The following CFAP46 variants were observed in gnomAD, a reference collection of about 807,000 sequenced individuals.
The protein encoded by CFAP46 is cilia and flagella associated protein 46.
CFAP46 carries 245 observed loss-of-function variants against 325.7 expected under a neutral mutation model. That is an observed-to-expected ratio of 0.75 (90% CI 0.68 to 0.84). The LOEUF (loss-of-function observed/expected upper bound fraction) is 0.84. Ranked by LOEUF, CFAP46 falls within the 40% of genes least tolerant of loss-of-function variation. The probability of loss-of-function intolerance (pLI) is 0.00; values close to 1 mark genes in which losing one functional copy is unlikely to be tolerated. For synonymous variants in CFAP46, 1,523 were observed against 1,495.9 expected, an observed-to-expected ratio of 1.02 and a Z score of -0.42; for missense variants, 3,346 against 3,543.0, an observed-to-expected ratio of 0.94 and a Z score of 1.41.
rs763564892 is a variant in CFAP46, at chr10:132,899,583, C to T, written c.3008G>A (p.Arg1003Gln). The change falls in exon 23 of 58, where the codon CGG (arginine) becomes CAG (glutamine). Residue 1003 changes from arginine (R) to glutamine (Q), a missense_variant. Physicochemically the swap from Arg to Gln is conservative, Grantham distance 43. Transcript: ENST00000368586. ...GGCTGCCACCAGTCGCAGCTGCTTC[C>T]GGCCCTTCAGGTTTTCCATGATGCT... ...GRSIMENLKGRKQLRLVAAKA... is the reference protein window; with the variant it reads ...GRSIMENLKGQKQLRLVAAKA... The T allele has an allele frequency of 1.2e-5, 18 of 1,549,720 alleles. No individual in the cohort carries two copies. The highest frequency in any genetic ancestry group is 5.9e-5 in the Admixed American group (3 of 50,980).
chr10:132,920,321 TC>T, intron 13 of CFAP46, 139 bp from the exon 14 acceptor site: 2 of 1,111,164 alleles, frequency 1.8e-6, no homozygotes, highest in Non-Finnish European at 2.5e-6. Flanking sequence ...GATCCCCGGC[TC>T]CCAGAAGCCG....
rs796246364 is a variant in CFAP46, at chr10:132,896,717, T to C, written c.3219+2242A>G. 3.3e-5 allele frequency among the ~76,000 whole-genome samples: 5 copies of C among 152,276 alleles called. 1 individual carries two copies. Among genetic ancestry groups the C allele is most frequent in the African/African-American group, 1.2e-4 (5 of 41,548 alleles). On this transcript the variant is annotated intron_variant, in intron 24 of 57. Transcript: ENST00000368586. ...TTACAATAGTCTTTTTAAAAATATA[T>C]ATAATTTTAAAAAATGATCCTCACA...
intron 50 of CFAP46, among the ~76,000 whole-genome samples, chr10:132,816,131 G>C (rs536421079): frequency 6.6e-6 from 1 of 152,018 alleles, no homozygotes; most frequent in Non-Finnish European, 1.5e-5. Context: ...CTGCCCAGGG[G>C]TTTTGCTACG....
intron 8 of CFAP46, among the ~76,000 whole-genome samples, chr10:132,933,081 T>A (rs768535958): frequency 2.6e-5 from 4 of 152,236 alleles, no homozygotes; most frequent in Non-Finnish European, 5.9e-5. Flanking sequence ...TGGCGGCTGC[T>A]GGCAGCGACT....
intron 18 of CFAP46, 111 bp from the exon 19 acceptor site, chr10:132,912,931 G>T: frequency 1.3e-6 from 2 of 1,481,994 alleles, no homozygotes; most frequent in East Asian, 2.5e-5. Context: ...GGGTGCCCAC[G>T]ACCCTCCTCT....
At position 132,847,414 on chromosome 10, in the gene CFAP46, T is replaced by C. The variant is rs1848458001; in HGVS notation, c.5953-93A>G. The C allele has an allele frequency of 6.6e-7, 1 of 1,507,736 alleles. No homozygotes were observed. Among genetic ancestry groups the C allele is most frequent in the Non-Finnish European group, 9.1e-7 (1 of 1,102,414 alleles). 93.4% of individuals were successfully genotyped at this position (1,507,736 alleles called of 1,614,324 possible). A position where few individuals can be genotyped will look rare whatever the true frequency, so the allele number is the denominator to read the frequency against. On this transcript the variant is annotated intron_variant, in intron 41 of 57. Transcript: ENST00000368586. This position sits in a 1 kb window ranked among gnomAD's most constrained non-coding sequence, Gnocchi z 5.2. ...CCCAGGGAGGCCGGGGTGGTCGGGCTCCTCAGCAGGGTCCCCGGGTAGGGG... is the reference window on the plus strand; with the variant it reads ...CCCAGGGAGGCCGGGGTGGTCGGGCCCCTCAGCAGGGTCCCCGGGTAGGGG...
At chr10:132,928,229 A>T (rs1348840368) in intron 9 of CFAP46, among the ~76,000 whole-genome samples, 1 of 152,184 alleles carries the variant, frequency 6.6e-6, no homozygotes, top group Admixed American at 6.5e-5. Flanking sequence ...AGGCACAGGG[A>T]GCTGAAGGAA....
chr10:132,809,914 C>T (rs1023174761), intron 57 of CFAP46, among the ~76,000 whole-genome samples: 1 of 152,230 alleles, frequency 6.6e-6, no homozygotes, highest in Non-Finnish European at 1.5e-5. Flanking sequence ...CACCCCTCAA[C>T]CCATGCATTC....
At chr10:132,940,718 C>G (rs1215870459) in intron 4 of CFAP46, among the ~76,000 whole-genome samples, 2 of 152,190 alleles carry the variant, frequency 1.3e-5, no homozygotes, top group Non-Finnish European at 2.9e-5. Context: ...GTTGGGATTA[C>G]AGGCATGTGC....
At chr10:132,862,108 C>T (rs1017122888) in intron 35 of CFAP46, among the ~76,000 whole-genome samples, 2 of 152,234 alleles carry the variant, frequency 1.3e-5, no homozygotes, top group Admixed American at 6.5e-5. Context: ...ATAGCAGCCT[C>T]GTGGGCAGTC....
intron 16 of CFAP46, among the ~76,000 whole-genome samples, chr10:132,917,063 G>A (rs367854022): frequency 8.5e-5 from 13 of 152,352 alleles, no homozygotes; most frequent in South Asian, 4.1e-4. Context: ...GCTGGCCTCC[G>A]GGGCGTGGAT....
rs185509568 is a variant in CFAP46 at position 132,865,395 on chromosome 10, C to T, written c.4890+630G>A. The stretch of plus-strand genomic sequence containing the variant: ...CAGGGCCAGTCCCAGGAGGAGGGGC[C>T]GAGGTGAAGGGTCCAAGGGCTGTCA... On this transcript the variant is annotated intron_variant, in intron 35 of 57. Coordinates refer to ENST00000368586, the MANE Select transcript of CFAP46 (RefSeq NM_001200049.3). 9.2e-3 allele frequency among the ~76,000 whole-genome samples: 1,408 copies of T among 152,272 alleles called. 12 individuals carry two copies. The highest frequency in any genetic ancestry group is 0.043 in the South Asian group (209 of 4,822).
intron 50 of CFAP46, among the ~76,000 whole-genome samples, chr10:132,821,727 C>T (rs111218118): frequency 2.2e-3 from 162 of 75,274 alleles, no homozygotes; most frequent in East Asian, 6.0e-3. Flanking sequence ...TGTGTGCTGA[C>T]GTGTGCTGTG....
At chr10:132,852,794 T>G (rs907233428) in intron 39 of CFAP46, among the ~76,000 whole-genome samples, 12 of 152,386 alleles carry the variant, frequency 7.9e-5, no homozygotes, top group Middle Eastern at 3.4e-3. Flanking sequence ...CTCACATTTT[T>G]GGGACAGATT....
At chr10:132,885,776 CAGG>C (rs1849118335) in intron 26 of CFAP46, 42 bp downstream of exon 26, 1 of 1,345,680 alleles carries the variant, frequency 7.4e-7, no homozygotes, top group African/African-American at 3.5e-5. Flanking sequence ...GGGGAGCACT[CAGG>C]CGGTGGAGGG....
In CFAP46 at chr10:132,814,833, C is replaced by A. The variant is rs565781276; in HGVS notation, c.7188+11G>T. ...CACCAGCCCGATCCCCTATCACAGG[C>A]CCCCACCCACCTTCCTGCCCTTCTT... On this transcript the variant is annotated intron_variant, in intron 51 of 57. Transcript: ENST00000368586. 44 of 1,614,112 alleles carry A rather than the reference C, an allele frequency of 2.7e-5. No individual in the cohort carries two copies. Among genetic ancestry groups the A allele is most frequent in the Admixed American group, 2.3e-4 (14 of 60,026 alleles).
At chr10:132,900,864 TA>T (rs1285241584) in intron 22 of CFAP46, among the ~76,000 whole-genome samples, 37 of 152,362 alleles carry the variant, frequency 2.4e-4, no homozygotes, top group Admixed American at 2.3e-3. Flanking sequence ...AGAGGAATGT[TA>T]AAATCTACAG....
rs188436321 is a variant in CFAP46 at position 132,908,332 on chromosome 10, C to T, written c.2924+136G>A. The T allele has an allele frequency of 2.1e-4, 218 of 1,045,294 alleles. 1 individual carries two copies. In the African/African-American group the frequency reaches 2.9e-3, roughly 14 times the overall value. The allele number at this position is 1,045,294 out of a possible 1,614,324, so 64.8% of individuals were successfully genotyped here. A position where few individuals can be genotyped will look rare whatever the true frequency, so the allele number is the denominator to read the frequency against. On this transcript the variant is annotated intron_variant, in intron 22 of 57. Coordinates refer to ENST00000368586, the MANE Select transcript of CFAP46 (RefSeq NM_001200049.3). ...TCACACGCGCCCTGATCTGTGATCG[C>T]GGCCCAGGCCCGCGCTCCCTGCCCG...
chr10:132,897,994 C>CT (rs146697169), intron 24 of CFAP46, among the ~76,000 whole-genome samples: 1 of 91,984 alleles, frequency 1.1e-5, no homozygotes, highest in South Asian at 3.2e-4. Context: ...TGCCCCACTC[C>CT]CGTCCTCCTC....
Sources: allele counts gnomAD v4.1 joint callset (sites outside exome capture counted in the v4.1 genomes callset), GRCh38; gene constraint gnomAD v4.1.1; non-coding constraint Gnocchi (gnomAD v3.1); transcripts MANE v1.5; gene names NCBI Gene and HGNC (gene_info 2026-07-23, HGNC 2026-07-21).